Variants in SUCLG1 observed in about 807,000 individuals in gnomAD.
SUCLG1 encodes the protein succinate--CoA ligase [ADP/GDP-forming] subunit alpha, mitochondrial.
In SUCLG1, 26 loss-of-function variants were observed where a neutral mutation model predicts 37.3. That is an observed-to-expected ratio of 0.70 (90% CI 0.51 to 0.97). The LOEUF is 0.97. Ranked by LOEUF, SUCLG1 falls within the 50% of genes least tolerant of loss-of-function variation. SUCLG1 has a pLI of 0.00. For missense variants in SUCLG1, 433 were observed against 432.9 expected, an observed-to-expected ratio of 1.00 and a Z score of 0.00; for synonymous variants, 163 against 155.6, an observed-to-expected ratio of 1.05 and a Z score of -0.36.
intron 1 of SUCLG1, among the ~76,000 whole-genome samples, chr2:84,455,322 C>A (rs1476821378): frequency 2.0e-5 from 3 of 152,000 alleles, no homozygotes; most frequent in Non-Finnish European, 4.4e-5. Context: ...TGGAGAAACC[C>A]CGTCTCTACT....
intron 5 of SUCLG1, among the ~76,000 whole-genome samples, chr2:84,437,762 C>A (rs1672709460): frequency 6.6e-6 from 1 of 152,156 alleles, no homozygotes; most frequent in African/African-American, 2.4e-5. Flanking sequence ...AACCAGTATA[C>A]AAATGTTTAT....
At chr2:84,458,782 C>T (rs1280634110) in intron 1 of SUCLG1, among the ~76,000 whole-genome samples, 3 of 152,148 alleles carry the variant, frequency 2.0e-5, no homozygotes, top group East Asian at 1.9e-4. Flanking sequence ...ACCTCTCAAC[C>T]CAGACCCTTA....
intron 8 of SUCLG1, 53 bp downstream of exon 8, chr2:84,425,362 C>T (rs1672518212): frequency 1.2e-6 from 2 of 1,608,128 alleles, no homozygotes; most frequent in Admixed American, 1.7e-5. Flanking sequence ...AGTGTGGCCA[C>T]ACACAGAGAA....
intron 7 of SUCLG1, 98 bp from the exon 8 acceptor site, chr2:84,425,701 G>A: frequency 7.5e-7 from 1 of 1,328,144 alleles, no homozygotes; most frequent in East Asian, 2.3e-5. Flanking sequence ...AATGGCTTGG[G>A]CAGGGGAAAG....
rs912321393 is a variant in SUCLG1 at position 84,423,578 on chromosome 2, A to G, written c.*168T>C. On this transcript the variant is annotated 3_prime_UTR_variant, in exon 9 of 9. Coordinates refer to ENST00000393868, the MANE Select transcript of SUCLG1 (RefSeq NM_003849.4). ...GCTGTCTCTGTAATACAATGTGGTG[A>G]AAACATCTTAATTCAGGACATCTTC... The G allele has an allele frequency of 5.1e-5, 36 of 699,610 alleles. No individual in the cohort carries two copies. The highest frequency in any genetic ancestry group is 9.3e-5 in the Non-Finnish European group (36 of 386,362). 43.3% of individuals were successfully genotyped at this position (699,610 alleles called of 1,614,324 possible). A position where few individuals can be genotyped will look rare whatever the true frequency, so the allele number is the denominator to read the frequency against.
At chr2:84,433,984 G>C (rs1009249326) in intron 5 of SUCLG1, among the ~76,000 whole-genome samples, 1 of 152,070 alleles carries the variant, frequency 6.6e-6, no homozygotes, top group African/African-American at 2.4e-5. Flanking sequence ...CTTTACATGA[G>C]AGCTGGTTCT....
At chr2:84,427,150 T>C (rs573934629) in intron 7 of SUCLG1, among the ~76,000 whole-genome samples, 1 of 152,328 alleles carries the variant, frequency 6.6e-6, no homozygotes, top group African/African-American at 2.4e-5. Flanking sequence ...TTCAATCTGT[T>C]GTAGTGTGTT....
chr2:84,429,362 T>A lies in SUCLG1; in HGVS notation c.825+2146A>T, dbSNP rs142049845. Among the ~76,000 whole-genome samples, 1,043 of 150,262 alleles carry A rather than the reference T, an allele frequency of 6.9e-3. 10 individuals carry two copies. Among genetic ancestry groups the A allele is most frequent in the African/African-American group, 0.023 (955 of 40,964 alleles). ...AGCACAATGCTGTATTAACCGAAACTTTTTTTTTTAAAGAAGTCAGTTTTT... is the reference window on the plus strand; with the variant it reads ...AGCACAATGCTGTATTAACCGAAACATTTTTTTTTAAAGAAGTCAGTTTTT... On this transcript the variant is annotated intron_variant, in intron 7 of 8. Transcript: ENST00000393868.
Position 84,425,436 on chromosome 2 carries a change from C to A in SUCLG1, c.993G>T (p.Gln331His). 6.2e-7 allele frequency: 1 copy of A among 1,614,184 alleles called. No individual in the cohort carries two copies. The highest frequency in any genetic ancestry group is 8.5e-7 in the Non-Finnish European group (1 of 1,180,028). The part of the protein sequence containing the change: ...AGVVVSMSPA[Q>H]LGTTIYKEFE... ...TCACCTTGTAGATCGTGGTTCCCAG[C>A]TGTGCAGGAGACATACTGACCACAA... Residue 331 changes from glutamine to histidine, a missense_variant, in exon 8 of 9, where the codon CAG becomes CAT. Gln to His is a conservative substitution (Grantham distance 24). Transcript: ENST00000393868.
At chr2:84,445,590 G>A (rs1352165988) in intron 2 of SUCLG1, among the ~76,000 whole-genome samples, 2 of 152,022 alleles carry the variant, frequency 1.3e-5, no homozygotes, top group African/African-American at 2.4e-5. Flanking sequence ...ACAACTTCAC[G>A]CCTTACAGAT....
At chr2:84,442,731 C>T (rs17025055) in intron 3 of SUCLG1, among the ~76,000 whole-genome samples, 2,242 of 152,288 alleles carry the variant, frequency 0.015, 45 homozygotes, top group East Asian at 0.066. Flanking sequence ...ATCTAGGACA[C>T]TGTGATTTGT....
chr2:84,442,069 C>A (rs1226143648), intron 3 of SUCLG1, among the ~76,000 whole-genome samples: 2 of 150,884 alleles, frequency 1.3e-5, no homozygotes, highest in Non-Finnish European at 3.0e-5. Flanking sequence ...GAAAAATAAA[C>A]AATATCTGTC....
intron 5 of SUCLG1, among the ~76,000 whole-genome samples, chr2:84,436,182 C>T (rs754067898): frequency 5.3e-5 from 8 of 152,160 alleles, no homozygotes; most frequent in African/African-American, 1.9e-4. Flanking sequence ...CAGCAACCTA[C>T]AGGTAATTAT....
At position 84,431,502 on chromosome 2, in the gene SUCLG1, A is replaced by C; in HGVS notation, c.825+6T>G. The C allele has an allele frequency of 1.2e-6, 2 of 1,613,876 alleles. No individual in the cohort carries two copies. The highest frequency in any genetic ancestry group is 1.7e-6 in the Non-Finnish European group (2 of 1,179,840). ...AAGAGCTATGTTTTTCCAAACCCAA[A>C]CTTACTGAATTATGTTGCTTCAAAA... is the stretch of plus-strand genomic sequence containing the variant. On this transcript the variant is annotated splice_donor_region_variant and intron_variant, in intron 7 of 8. Coordinates refer to ENST00000393868, the MANE Select transcript of SUCLG1 (RefSeq NM_003849.4).
chr2:84,425,335 A>G (rs1672515410), intron 8 of SUCLG1, 80 bp downstream of exon 8: 3 of 1,564,058 alleles, frequency 1.9e-6, no homozygotes, highest in Non-Finnish European at 2.6e-6. Context: ...AGCAAAGGCC[A>G]TGATTTCCAG....
chr2:84,434,663 AG>A (rs1672658954), intron 5 of SUCLG1, among the ~76,000 whole-genome samples: 1 of 152,372 alleles, frequency 6.6e-6, no homozygotes, highest in Admixed American at 6.5e-5. Context: ...TGAAGAACTC[AG>A]AAGACCCTTT....
intron 5 of SUCLG1, among the ~76,000 whole-genome samples, chr2:84,434,835 C>T (rs1672662424): frequency 6.6e-6 from 1 of 152,168 alleles, no homozygotes; most frequent in Non-Finnish European, 1.5e-5. Flanking sequence ...AAGTGTGTGA[C>T]CTATGCATAA....
At chr2:84,457,058 T>C (rs1035980083) in intron 1 of SUCLG1, among the ~76,000 whole-genome samples, 1 of 152,298 alleles carries the variant, frequency 6.6e-6, no homozygotes, top group South Asian at 2.1e-4. Context: ...CTAATCAATA[T>C]TGCAACACTA....
At chr2:84,437,981 T>C (rs891974796) in intron 5 of SUCLG1, among the ~76,000 whole-genome samples, 1 of 152,226 alleles carries the variant, frequency 6.6e-6, no homozygotes, top group African/African-American at 2.4e-5. Context: ...TTCTGTATGA[T>C]TCCACTTATA....
Sources: allele counts gnomAD v4.1 joint callset (sites outside exome capture counted in the v4.1 genomes callset), GRCh38; gene constraint gnomAD v4.1.1; transcripts MANE v1.5; gene names NCBI Gene and HGNC (gene_info 2026-07-23, HGNC 2026-07-21).